The following CCNY variants were observed in gnomAD, a reference collection of about 807,000 sequenced individuals.
CCNY encodes the protein cyclin Y.
A neutral mutation model predicts 42.8 loss-of-function variants in CCNY; 19 were observed. The observed-to-expected ratio is 0.44, with a 90% CI of 0.31 to 0.65. The LOEUF is 0.65. Among genes scored for constraint, CCNY ranks in the 30% least tolerant of loss-of-function variants. The pLI is 0.07. For synonymous variants in CCNY, 165 were observed against 162.7 expected, an observed-to-expected ratio of 1.01 and a Z score of -0.11; for missense variants, 370 against 437.3, an observed-to-expected ratio of 0.85 and a Z score of 1.37.
chr10:35,503,451 CG>C (rs896868168), intron 3 of CCNY, among the ~76,000 whole-genome samples: 6 of 152,132 alleles, frequency 3.9e-5, no homozygotes, highest in African/African-American at 7.2e-5. Context: ...AGTCCTGCCA[CG>C]CTAGGAAAAG....
chr10:35,385,345 A>G (rs2474532), intron 1 of CCNY, among the ~76,000 whole-genome samples: 10,855 of 152,214 alleles, frequency 0.071, 636 homozygotes, highest in African/African-American at 0.16. Flanking sequence ...TGCCAGCAAT[A>G]AAGGATTATT....
Position 35,492,428 on chromosome 10 carries a change from G to C in CCNY, c.229+8950G>C, listed in dbSNP as rs115899440. On this transcript the variant is annotated intron_variant, in intron 2 of 9. Transcript: ENST00000374704. ...CTGGAACACCTCTGAAATCAGCACAGTCAGTGACTTGCCAAAATTTAATTG... is the reference window on the plus strand; with the variant it reads ...CTGGAACACCTCTGAAATCAGCACACTCAGTGACTTGCCAAAATTTAATTG... Among the ~76,000 whole-genome samples the C allele has an allele frequency of 5.2e-3, 787 of 152,292 alleles. 2 individuals carry two copies. The highest frequency in any genetic ancestry group is 0.018 in the African/African-American group (760 of 41,552).
intron 1 of CCNY, among the ~76,000 whole-genome samples, chr10:35,389,123 T>C (rs992791732): frequency 6.6e-6 from 1 of 152,234 alleles, no homozygotes; most frequent in Non-Finnish European, 1.5e-5. Context: ...AGGACATCTT[T>C]GGGGACGTTA....
chr10:35,274,349 G>A (rs542794345), intron 3 of CCNY, among the ~76,000 whole-genome samples: 1 of 152,320 alleles, frequency 6.6e-6, no homozygotes, highest in East Asian at 1.9e-4. Context: ...AATTATGGGA[G>A]CTACAATGCA....
Position 35,570,158 on chromosome 10 carries a change from C to T in CCNY, c.*988C>T, listed in dbSNP as rs953593912. The T allele has an allele frequency of 1.3e-5, 2 of 152,544 alleles. No individual in the cohort carries two copies. The highest frequency in any genetic ancestry group is 4.8e-5 in the African/African-American group (2 of 41,338). The allele number at this position is 152,544 out of a possible 1,614,324, so 9.4% of individuals were successfully genotyped here. Reference sequence around the variant, plus strand: ...CCATTGTTGCAAGCAATATTCTTCTCAATTTTTATATGTTTACTTTAAATC... The same window carrying T: ...CCATTGTTGCAAGCAATATTCTTCTTAATTTTTATATGTTTACTTTAAATC... On this transcript the variant is annotated 3_prime_UTR_variant, in exon 10 of 10. Coordinates refer to ENST00000374704, the MANE Select transcript of CCNY (RefSeq NM_145012.6).
chr10:35,496,773 CCT>C (rs1840012547), intron 2 of CCNY, among the ~76,000 whole-genome samples: 1 of 152,168 alleles, frequency 6.6e-6, no homozygotes, highest in South Asian at 2.1e-4. Flanking sequence ...GTTAACAAAT[CCT>C]CATTAATAAT....
intron 2 of CCNY, among the ~76,000 whole-genome samples, chr10:35,500,631 C>T (rs559051188): frequency 3.3e-5 from 5 of 152,268 alleles, no homozygotes; most frequent in East Asian, 1.9e-4. Context: ...TTTACAGTAA[C>T]GAATAAATGT....
At chr10:35,487,849 G>A (rs1839818466) in intron 2 of CCNY, among the ~76,000 whole-genome samples, 1 of 152,186 alleles carries the variant, frequency 6.6e-6, no homozygotes. Context: ...AAGTTTGCCA[G>A]GCCAGAGAGA....
chr10:35,266,863 C>A (rs1039380955), intron 3 of CCNY, among the ~76,000 whole-genome samples: 3 of 152,022 alleles, frequency 2.0e-5, no homozygotes, highest in Non-Finnish European at 4.4e-5. Context: ...GCAGGTGGAT[C>A]TCCTGAGATC....
In CCNY at chr10:35,504,135, A is replaced by G. The variant is rs189583123; in HGVS notation, c.264+2600A>G. On this transcript the variant is annotated intron_variant, in intron 3 of 9. Transcript: ENST00000374704. ...AAGAACCCACTTAGTACATGTTGCT[A>G]AGTTAACCTACAAAGAGGCTACTAT... is the stretch of plus-strand genomic sequence containing the variant. Among the ~76,000 whole-genome samples, 75 of 152,306 alleles carry G rather than the reference A, an allele frequency of 4.9e-4. 1 individual carries two copies. Among genetic ancestry groups the G allele is most frequent in the Middle Eastern group, 6.8e-3 (2 of 294 alleles).
chr10:35,385,748 G>A (rs945190962), intron 1 of CCNY, among the ~76,000 whole-genome samples: 2 of 152,138 alleles, frequency 1.3e-5, no homozygotes, highest in South Asian at 2.1e-4. Context: ...CATCAGAACC[G>A]TCCAGTCTTG....
At chr10:35,382,019 A>G (rs1187705387) in intron 1 of CCNY, among the ~76,000 whole-genome samples, 1 of 152,260 alleles carries the variant, frequency 6.6e-6, no homozygotes, top group Non-Finnish European at 1.5e-5. Context: ...TGATTTTTAC[A>G]TAACTATTAC....
At chr10:35,249,964 G>A (rs1455234039) in intron 2 of CCNY, among the ~76,000 whole-genome samples, 1 of 152,148 alleles carries the variant, frequency 6.6e-6, no homozygotes, top group African/African-American at 2.4e-5. Flanking sequence ...GGAGGCCGAG[G>A]CAGGTGCATC....
At chr10:35,367,345 G>T (rs1836831392) in intron 1 of CCNY, among the ~76,000 whole-genome samples, 1 of 152,098 alleles carries the variant, frequency 6.6e-6, no homozygotes, top group Non-Finnish European at 1.5e-5. Context: ...CTTGGGCCTG[G>T]TGCCTATCTT....
chr10:35,360,690 CTTG>C, intron 1 of CCNY, among the ~76,000 whole-genome samples: 1 of 151,958 alleles, frequency 6.6e-6, no homozygotes, highest in South Asian at 2.1e-4. Flanking sequence ...CAGAGCAATG[CTTG>C]TTTTTAAAAT....
intron 7 of CCNY, among the ~76,000 whole-genome samples, chr10:35,539,254 A>G (rs1458686931): frequency 6.6e-6 from 1 of 152,132 alleles, no homozygotes; most frequent in Non-Finnish European, 1.5e-5. Context: ...GCATTTCCCT[A>G]TGAACATTAG....
chr10:35,443,216 A>T (rs1251702340), intron 1 of CCNY, among the ~76,000 whole-genome samples: 1 of 152,234 alleles, frequency 6.6e-6, no homozygotes, highest in Non-Finnish European at 1.5e-5. Flanking sequence ...CAAACAGTGT[A>T]CACCTAGGCC....
At chr10:35,543,915 A>T (rs1284888751) in intron 7 of CCNY, among the ~76,000 whole-genome samples, 1 of 152,232 alleles carries the variant, frequency 6.6e-6, no homozygotes, top group Non-Finnish European at 1.5e-5. Context: ...TTTTTAACAA[A>T]AAAGTTTAGA....
At chr10:35,353,268 C>T (rs1199234781) in intron 1 of CCNY, among the ~76,000 whole-genome samples, 1 of 152,112 alleles carries the variant, frequency 6.6e-6, no homozygotes, top group Non-Finnish European at 1.5e-5. Flanking sequence ...TTTAGTTGAA[C>T]TTGTTCGTAG....
Sources: gnomAD v4.1 joint callset for allele counts (sites outside exome capture counted in the v4.1 genomes callset) on GRCh38, gnomAD v4.1.1 for gene constraint, MANE v1.5 for transcripts, NCBI Gene and HGNC (gene_info 2026-07-23, HGNC 2026-07-21) for gene names.